SCAMP1: variants seen among roughly 807,000 people sequenced by gnomAD.
SCAMP1 encodes the protein secretory carrier membrane protein 1.
SCAMP1 carries 15 observed loss-of-function variants against 41.8 expected under a neutral mutation model. The observed-to-expected ratio is 0.36, with a 90% CI of 0.24 to 0.55. SCAMP1 has a LOEUF of 0.55. SCAMP1 is among the 20% of genes least tolerant of loss of function. The pLI, the probability that SCAMP1 is intolerant of heterozygous loss-of-function variation, is 0.86. For synonymous variants in SCAMP1, 135 were observed against 136.8 expected (o/e 0.99, Z 0.09); for missense variants, 341 against 412.6 (o/e 0.83, Z 1.50).
chr5:78,384,177 TTTC>T lies in SCAMP1; in HGVS notation c.58-4657_58-4655del, dbSNP rs368978629. On this transcript the variant is annotated intron_variant, in intron 1 of 8. Coordinates refer to ENST00000621999, the MANE Select transcript of SCAMP1 (RefSeq NM_004866.6). ...TGGTTAGGTATATTCCCAAGTTTTT[TTTC>T]TTTTTTTTTTTTTGCAGCTATTTTA... is the stretch of plus-strand genomic sequence containing the variant. 1.5e-3 allele frequency among the ~76,000 whole-genome samples: 139 copies of T among 90,314 alleles called. 6 individuals carry two copies. Among genetic ancestry groups the T allele is most frequent in the Non-Finnish European group, 1.9e-3 (68 of 35,660 alleles). The allele number at this position is 90,314 out of a possible 152,430, so 59.2% of individuals were successfully genotyped here.
chr5:78,460,678 C>G (rs1378358467), intron 8 of SCAMP1, among the ~76,000 whole-genome samples: 2 of 146,168 alleles, frequency 1.4e-5, no homozygotes, highest in Admixed American at 6.8e-5. Context: ...CACATATTTT[C>G]TCCCATCCTG....
At chr5:78,394,452 G>T (rs1187849154) in intron 2 of SCAMP1, among the ~76,000 whole-genome samples, 3 of 151,928 alleles carry the variant, frequency 2.0e-5, no homozygotes, top group Non-Finnish European at 4.4e-5. Context: ...CAAACTCCTG[G>T]ACTCAAGAGA....
chr5:78,473,055 A>T (rs988257041), intron 8 of SCAMP1, among the ~76,000 whole-genome samples: 4 of 152,174 alleles, frequency 2.6e-5, no homozygotes, highest in African/African-American at 9.6e-5. Context: ...ATTTATCTAT[A>T]TCTTTAATTT....
At chr5:78,394,593 T>C (rs1368074092) in intron 2 of SCAMP1, among the ~76,000 whole-genome samples, 2 of 152,192 alleles carry the variant, frequency 1.3e-5, no homozygotes, top group Non-Finnish European at 2.9e-5. Context: ...TGACTGGATA[T>C]AATTGTACAT....
chr5:78,436,196 T>C (rs993668423), intron 6 of SCAMP1, among the ~76,000 whole-genome samples: 2 of 152,212 alleles, frequency 1.3e-5, no homozygotes, highest in Non-Finnish European at 2.9e-5. Flanking sequence ...CGATGGTAGT[T>C]TCTTTTGCCA....
At chr5:78,452,174 A>G (rs896070424) in intron 7 of SCAMP1, among the ~76,000 whole-genome samples, 2 of 150,784 alleles carry the variant, frequency 1.3e-5, no homozygotes, top group African/African-American at 4.9e-5. Context: ...TTGCACATTT[A>G]GTTTTCTTTT....
Position 78,360,634 on chromosome 5 carries a change from G to T in SCAMP1, c.-38G>T. The stretch of plus-strand genomic sequence containing the variant: ...GCGGCCTCGCCTCGTCTCTCTCTCT[G>T]CGCCTGGGTCGGGTGGGTGACGCCG... On this transcript the variant is annotated 5_prime_UTR_variant, in exon 1 of 9. Coordinates refer to ENST00000621999, the MANE Select transcript of SCAMP1 (RefSeq NM_004866.6). The T allele has an allele frequency of 6.3e-7, 1 of 1,589,276 alleles. No individual in the cohort carries two copies. Among genetic ancestry groups the T allele is most frequent in the Non-Finnish European group, 8.6e-7 (1 of 1,168,596 alleles).
intron 2 of SCAMP1, among the ~76,000 whole-genome samples, chr5:78,390,546 A>G (rs181650854): frequency 6.1e-4 from 93 of 152,364 alleles, no homozygotes; most frequent in Non-Finnish European, 1.1e-3. Context: ...AAGAGCTGGC[A>G]AATTATATTC....
chr5:78,391,106 C>T (rs1191066930), intron 2 of SCAMP1, among the ~76,000 whole-genome samples: 5 of 47,136 alleles, frequency 1.1e-4, no homozygotes, highest in Non-Finnish European at 1.8e-4. Flanking sequence ...CCCACCTTTC[C>T]CCCCTTTCCA....
intron 6 of SCAMP1, among the ~76,000 whole-genome samples, chr5:78,442,482 C>T (rs1282829549): frequency 1.3e-5 from 2 of 152,272 alleles, no homozygotes; most frequent in East Asian, 3.9e-4. Context: ...TGGTCTCGAA[C>T]TCCTGACCTC....
At chr5:78,438,204 T>C (rs1190680524) in intron 6 of SCAMP1, among the ~76,000 whole-genome samples, 1 of 152,192 alleles carries the variant, frequency 6.6e-6, no homozygotes, top group Non-Finnish European at 1.5e-5. Context: ...TTTTTATGTC[T>C]CTATCTCCTT....
intron 8 of SCAMP1, among the ~76,000 whole-genome samples, chr5:78,466,404 T>C (rs1753745576): frequency 6.6e-6 from 1 of 152,172 alleles, no homozygotes; most frequent in South Asian, 2.1e-4. Flanking sequence ...GATATAATGA[T>C]GGCTGCTCAT....
At chr5:78,435,495 G>A (rs1169766232) in intron 6 of SCAMP1, among the ~76,000 whole-genome samples, 2 of 152,130 alleles carry the variant, frequency 1.3e-5, no homozygotes, top group Admixed American at 6.5e-5. Flanking sequence ...CTGTCCTTGC[G>A]ATAGTTTGCT....
chr5:78,476,216 T>C lies in SCAMP1; in HGVS notation c.*548T>C, dbSNP rs1754001349. The C allele has an allele frequency of 6.6e-6, 1 of 152,044 alleles. No individual in the cohort carries two copies. Among genetic ancestry groups the C allele is most frequent in the African/African-American group, 2.4e-5 (1 of 41,396 alleles). 9.4% of individuals were successfully genotyped at this position (152,044 alleles called of 1,614,324 possible). A position where few individuals can be genotyped will look rare whatever the true frequency, so the allele number is the denominator to read the frequency against. On this transcript the variant is annotated 3_prime_UTR_variant, in exon 9 of 9. Transcript: ENST00000621999. Reference sequence around the variant, plus strand: ...TAAAATTTGTCATCTTTTTCTTTTCTTTTTTTTAGAATAGCTGATATTTTG... The same window carrying C: ...TAAAATTTGTCATCTTTTTCTTTTCCTTTTTTTAGAATAGCTGATATTTTG...
At position 78,360,886 on chromosome 5, in the gene SCAMP1, C is replaced by T. The variant is rs1750627002; in HGVS notation, c.57+158C>T. 4.4e-6 allele frequency: 3 copies of T among 679,456 alleles called. No homozygotes were observed. The African/African-American group carries it at 5.5e-5, about 12-fold the overall frequency. 42.1% of individuals were successfully genotyped at this position (679,456 alleles called of 1,614,324 possible). A position where few individuals can be genotyped will look rare whatever the true frequency, so the allele number is the denominator to read the frequency against. On this transcript the variant is annotated intron_variant, in intron 1 of 8. Coordinates refer to ENST00000621999, the MANE Select transcript of SCAMP1 (RefSeq NM_004866.6). ...TCCTCCATTTGGGGTCGCGCCCCGG[C>T]CCCGTGTCACTCCTTTGGGTTTTGG...
At chr5:78,412,942 G>A (rs574244213) in intron 2 of SCAMP1, among the ~76,000 whole-genome samples, 9 of 152,216 alleles carry the variant, frequency 5.9e-5, no homozygotes, top group African/African-American at 1.9e-4. Flanking sequence ...AGCATCTACT[G>A]TTTCAGGGAC....
At chr5:78,394,313 T>C (rs1474748096) in intron 2 of SCAMP1, among the ~76,000 whole-genome samples, 4 of 152,160 alleles carry the variant, frequency 2.6e-5, no homozygotes, top group African/African-American at 4.8e-5. Flanking sequence ...AGGCAAACCA[T>C]ATAACCTCTT....
At chr5:78,466,937 G>T (rs1425055983) in intron 8 of SCAMP1, among the ~76,000 whole-genome samples, 1 of 152,132 alleles carries the variant, frequency 6.6e-6, no homozygotes, top group Non-Finnish European at 1.5e-5. Flanking sequence ...ACTGGGCCTG[G>T]AAGTAGGGGA....
intron 8 of SCAMP1, among the ~76,000 whole-genome samples, chr5:78,471,139 T>A (rs1172493889): frequency 6.6e-6 from 1 of 152,110 alleles, no homozygotes; most frequent in African/African-American, 2.4e-5. Context: ...TAGGATATAA[T>A]ACAAAATGGA....
Sources: gnomAD v4.1 joint callset for allele counts (sites outside exome capture counted in the v4.1 genomes callset) on GRCh38, gnomAD v4.1.1 for gene constraint, MANE v1.5 for transcripts, NCBI Gene and HGNC (gene_info 2026-07-23, HGNC 2026-07-21) for gene names.